Variants in CABIN1 observed in about 807,000 individuals in gnomAD.
The protein encoded by CABIN1 is calcineurin-binding protein cabin-1.
In CABIN1, 133 loss-of-function variants were observed where a neutral mutation model predicts 227.7. That is an observed-to-expected ratio of 0.58 (90% CI 0.51 to 0.67). The LOEUF (loss-of-function observed/expected upper bound fraction) is 0.67, where lower values mean the gene tolerates loss of function less well. Ranked by LOEUF, CABIN1 falls within the 30% of genes least tolerant of loss-of-function variation. The pLI is 0.00. For synonymous variants in CABIN1, 1,086 were observed against 1,155.1 expected, an observed-to-expected ratio of 0.94 and a Z score of 1.21; for missense variants, 2,408 against 2,852.5, an observed-to-expected ratio of 0.84 and a Z score of 3.55.
At chr22:24,049,266 G>A (rs1384795592) in intron 7 of CABIN1, 46 bp downstream of exon 7, 1 of 1,604,118 alleles carries the variant, frequency 6.2e-7, no homozygotes, top group Admixed American at 1.7e-5. Flanking sequence ...CTTACTGTGT[G>A]GCTGGTGAAG....
At chr22:24,133,815 A>G (rs2044222518) in intron 28 of CABIN1, among the ~76,000 whole-genome samples, 1 of 152,224 alleles carries the variant, frequency 6.6e-6, no homozygotes, top group Non-Finnish European at 1.5e-5. Context: ...CTGGGCCTGG[A>G]TTCCACCAAG....
chr22:24,081,635 C>T (rs79638344), intron 19 of CABIN1, among the ~76,000 whole-genome samples: 1,658 of 152,170 alleles, frequency 0.011, 26 homozygotes, highest in African/African-American at 0.037. Context: ...TTTCCTTTTA[C>T]GTTCTTTGAA....
intron 8 of CABIN1, among the ~76,000 whole-genome samples, chr22:24,053,952 G>A (rs1327515614): frequency 6.6e-6 from 1 of 152,282 alleles, no homozygotes; most frequent in South Asian, 2.1e-4. Flanking sequence ...TCTGACTGAG[G>A]CACAGGCATT....
intron 29 of CABIN1, among the ~76,000 whole-genome samples, chr22:24,134,922 A>G (rs2044300355): frequency 6.8e-6 from 1 of 147,802 alleles, no homozygotes. Flanking sequence ...TACTAAATAT[A>G]CAAAAATTAG....
intron 23 of CABIN1, among the ~76,000 whole-genome samples, chr22:24,087,950 C>A (rs1252160907): frequency 6.6e-6 from 1 of 152,204 alleles, no homozygotes; most frequent in Non-Finnish European, 1.5e-5. Flanking sequence ...TTAGACCCAG[C>A]TGGTCAGCCA....
intron 22 of CABIN1, among the ~76,000 whole-genome samples, chr22:24,085,728 G>A (rs1309713741): frequency 6.6e-6 from 1 of 152,180 alleles, no homozygotes; most frequent in Non-Finnish European, 1.5e-5. Flanking sequence ...TGTAGTGATT[G>A]CCTGGAGCCT....
chr22:24,020,934 TC>T (rs2035677327), intron 1 of CABIN1, among the ~76,000 whole-genome samples: 1 of 152,080 alleles, frequency 6.6e-6, no homozygotes, highest in African/African-American at 2.4e-5. Context: ...CTATATCATC[TC>T]CTCTGTTATG....
In CABIN1 at chr22:24,035,454, GACTGGGGCA is replaced by G; in HGVS notation, c.-61_-53del. On this transcript the variant is annotated 5_prime_UTR_variant, in exon 2 of 37. Coordinates refer to ENST00000263119, the MANE Select transcript of CABIN1 (RefSeq NM_012295.4). Reference sequence around the variant, plus strand: ...CTATTTCCTTTCTAGGAGAGTTGTGGACTGGGGCAACCTTTGCCAGTGATGAGAAGTGAT... The same window carrying G: ...CTATTTCCTTTCTAGGAGAGTTGTGGACCTTTGCCAGTGATGAGAAGTGAT... 1.2e-6 allele frequency: 2 copies of G among 1,611,512 alleles called. No homozygotes were observed. Among genetic ancestry groups the G allele is most frequent in the Non-Finnish European group, 8.5e-7 (1 of 1,177,672 alleles).
chr22:24,041,501 G>C (rs2037370355), intron 5 of CABIN1, among the ~76,000 whole-genome samples: 1 of 152,200 alleles, frequency 6.6e-6, no homozygotes, highest in African/African-American at 2.4e-5. Flanking sequence ...GCCTGCATGT[G>C]AATTCTTCCT....
chr22:24,105,494 G>A (rs907522711), intron 26 of CABIN1, among the ~76,000 whole-genome samples: 1 of 152,154 alleles, frequency 6.6e-6, no homozygotes, highest in Non-Finnish European at 1.5e-5. Flanking sequence ...CCAACCTATA[G>A]CCTGCTTGCT....
chr22:24,043,236 A>G (rs2037565149), intron 6 of CABIN1, 152 bp downstream of exon 6: 1 of 541,766 alleles, frequency 1.8e-6, no homozygotes, highest in Admixed American at 2.9e-5. Context: ...TTTCTGCTTT[A>G]TTCTGCATCT....
At chr22:24,170,169 A>G in intron 33 of CABIN1, 1 of 457,514 alleles carries the variant, frequency 2.2e-6, no homozygotes. Context: ...TGCCGTGGGC[A>G]GATTTGCGTT....
At chr22:24,074,557 C>T (rs1319104300) in intron 18 of CABIN1, among the ~76,000 whole-genome samples, 1 of 152,290 alleles carries the variant, frequency 6.6e-6, no homozygotes, top group South Asian at 2.1e-4. Flanking sequence ...GCCACAGGAT[C>T]CTGCCATCTT....
At chr22:24,086,044 A>G (rs2041136329) in intron 22 of CABIN1, among the ~76,000 whole-genome samples, 1 of 152,212 alleles carries the variant, frequency 6.6e-6, no homozygotes, top group Admixed American at 6.5e-5. Flanking sequence ...TGTGAGTGGA[A>G]AAGCCAGTTT....
intron 1 of CABIN1, among the ~76,000 whole-genome samples, chr22:24,025,339 G>A (rs2036004471): frequency 6.6e-6 from 1 of 152,170 alleles, no homozygotes; most frequent in Admixed American, 6.5e-5. Flanking sequence ...TCAAAAGGGG[G>A]GAAAAGGTGT....
rs561803646 is a variant in CABIN1, at chr22:24,021,471, T to A, written c.-75+10104T>A. On this transcript the variant is annotated intron_variant, in intron 1 of 36. Coordinates refer to ENST00000263119, the MANE Select transcript of CABIN1 (RefSeq NM_012295.4). ...CAGTGCCCGATCAATTTGTCTTTTTTAAAAAATTATTTATTTATTATTTTT... is the reference window on the plus strand; with the variant it reads ...CAGTGCCCGATCAATTTGTCTTTTTAAAAAAATTATTTATTTATTATTTTT... 1.4e-4 allele frequency among the ~76,000 whole-genome samples: 21 copies of A among 152,074 alleles called. No homozygotes were observed. The East Asian group carries it at 1.7e-3, about 13-fold the overall frequency.
chr22:24,166,758 C>A lies in CABIN1; in HGVS notation c.5127C>A (p.Pro1709=). 3.1e-6 allele frequency: 5 copies of A among 1,612,910 alleles called. No homozygotes were observed. The highest frequency in any genetic ancestry group is 3.4e-6 in the Non-Finnish European group (4 of 1,179,986). ...GQEGLPQPKK[P]PLADGSGPGP... ...AGGGCCTCCCCCAGCCGAAGAAGCC[C>A]CCTCTGGCTGATGGCTCAGGGCCAG... The change falls in exon 32 of 37, where the codon CCC becomes CCA. Residue 1709 remains proline, a synonymous_variant. Coordinates refer to ENST00000263119, the MANE Select transcript of CABIN1 (RefSeq NM_012295.4).
intron 29 of CABIN1, among the ~76,000 whole-genome samples, chr22:24,138,361 T>C (rs2044544910): frequency 6.6e-6 from 1 of 152,168 alleles, no homozygotes; most frequent in Non-Finnish European, 1.5e-5. Flanking sequence ...TGCACCACCA[T>C]GCCCAGCCAA....
At chr22:24,043,706 T>C (rs1275798936) in intron 6 of CABIN1, among the ~76,000 whole-genome samples, 1 of 152,118 alleles carries the variant, frequency 6.6e-6, no homozygotes, top group East Asian at 1.9e-4. Context: ...GAGTCGAGGT[T>C]GTGCAATCGC....
Sources: gnomAD v4.1 joint callset for allele counts (sites outside exome capture counted in the v4.1 genomes callset) on GRCh38, gnomAD v4.1.1 for gene constraint, MANE v1.5 for transcripts, NCBI Gene and HGNC (gene_info 2026-07-23, HGNC 2026-07-21) for gene names.